RIMBP2: variants seen among roughly 807,000 people sequenced by gnomAD.
RIMBP2 encodes the protein RIMS-binding protein 2.
A neutral mutation model predicts 118.6 loss-of-function variants in RIMBP2; 48 were observed. The observed-to-expected ratio is 0.40, with a 90% CI of 0.32 to 0.51. RIMBP2 has a LOEUF of 0.51. RIMBP2 is among the 20% of genes least tolerant of loss of function. The pLI, the probability that RIMBP2 is intolerant of heterozygous loss-of-function variation, is 0.41. For missense variants in RIMBP2, 1,551 were observed against 1,768.3 expected, an observed-to-expected ratio of 0.88 and a Z score of 2.20; for synonymous variants, 762 against 742.9, an observed-to-expected ratio of 1.03 and a Z score of -0.42.
intron 2 of RIMBP2, among the ~76,000 whole-genome samples, chr12:130,531,568 A>G (rs2053378453): frequency 6.6e-6 from 1 of 152,216 alleles, no homozygotes; most frequent in Non-Finnish European, 1.5e-5. Flanking sequence ...ATGTTCAACT[A>G]TTATTAAACA....
rs576504820 is a variant in RIMBP2 at position 130,525,117 on chromosome 12, A to C, written c.-216-7200T>G. 2.6e-5 allele frequency among the ~76,000 whole-genome samples: 4 copies of C among 152,282 alleles called. No homozygotes were observed. The East Asian group carries it at 7.7e-4, about 29-fold the overall frequency. ...GGAGGAGCTCTCAGCAAGATTAAGG[A>C]GCAGGAGACAGAGCTGGGAGAAGCC... On this transcript the variant is annotated intron_variant, in intron 2 of 22. Transcript: ENST00000690449. This position sits in a 1 kb window ranked among gnomAD's most constrained non-coding sequence, Gnocchi z 4.4.
In RIMBP2 at chr12:130,523,249, A is replaced by AC. The variant is rs2052370620; in HGVS notation, c.-216-5333dup. On this transcript the variant is annotated intron_variant, in intron 2 of 22. Coordinates refer to ENST00000690449, the MANE Select transcript of RIMBP2 (RefSeq NM_001393629.1). This position sits in a 1 kb window ranked among gnomAD's most constrained non-coding sequence, Gnocchi z 4.4. ...CATCTCTCTCTGTCCCCTACCCACT[A>AC]CCTGGCCGTGTGAGGACACAGTGAG... Among the ~76,000 whole-genome samples the AC allele has an allele frequency of 6.6e-6, 1 of 151,926 alleles. No homozygotes were observed. Among genetic ancestry groups the AC allele is most frequent in the African/African-American group, 2.4e-5 (1 of 41,328 alleles).
intron 21 of RIMBP2, among the ~76,000 whole-genome samples, chr12:130,401,812 A>AAAAG (rs1466949101): frequency 6.6e-6 from 1 of 152,140 alleles, no homozygotes; most frequent in East Asian, 1.9e-4. Context: ...CCAGCCTTAG[A>AAAAG]AAAGATTCTT....
chr12:130,642,234 A>G (rs572610669), intron 1 of RIMBP2, among the ~76,000 whole-genome samples: 2 of 152,248 alleles, frequency 1.3e-5, no homozygotes, highest in East Asian at 3.9e-4. Context: ...CCCACACTCC[A>G]GGGAGAGGCC....
intron 1 of RIMBP2, among the ~76,000 whole-genome samples, chr12:130,639,148 G>T (rs969269007): frequency 3.4e-4 from 51 of 152,092 alleles, no homozygotes; most frequent in Admixed American, 7.9e-4. Flanking sequence ...AGCACTTTGG[G>T]AGGCCGAGGC....
At chr12:130,642,842 A>G (rs1450255724) in intron 1 of RIMBP2, among the ~76,000 whole-genome samples, 6 of 152,190 alleles carry the variant, frequency 3.9e-5, no homozygotes, top group East Asian at 1.9e-4. Context: ...CCTTGATCTG[A>G]ACCAGGCTGG....
intron 1 of RIMBP2, among the ~76,000 whole-genome samples, chr12:130,681,244 G>A (rs1278249266): frequency 1.3e-5 from 2 of 151,078 alleles, no homozygotes; most frequent in Non-Finnish European, 3.0e-5. Context: ...AGGAGTTCAA[G>A]AACAGCCCAG....
In RIMBP2 at chr12:130,511,236, G is replaced by A. The variant is rs1158958765; in HGVS notation, c.-126-4466C>T. On this transcript the variant is annotated intron_variant, in intron 3 of 22. Transcript: ENST00000690449. This position sits in a 1 kb window ranked among gnomAD's most constrained non-coding sequence, Gnocchi z 4.3. ...GGAAGGAAGCCAAAAAAAGGCAAGAGGAGAGACTGTCCCCCAGAGCCTCAG... is the reference window on the plus strand; with the variant it reads ...GGAAGGAAGCCAAAAAAAGGCAAGAAGAGAGACTGTCCCCCAGAGCCTCAG... 6.6e-6 allele frequency among the ~76,000 whole-genome samples: 1 copy of A among 152,114 alleles called. No individual in the cohort carries two copies. Among genetic ancestry groups the A allele is most frequent in the Non-Finnish European group, 1.5e-5 (1 of 68,026 alleles).
At chr12:130,631,345 C>G (rs1212373276) in intron 1 of RIMBP2, among the ~76,000 whole-genome samples, 1 of 152,130 alleles carries the variant, frequency 6.6e-6, no homozygotes, top group African/African-American at 2.4e-5. Context: ...AATAAAGTAG[C>G]AATTTAACTA....
At chr12:130,554,370 T>C (rs1297752196) in intron 2 of RIMBP2, among the ~76,000 whole-genome samples, 3 of 152,192 alleles carry the variant, frequency 2.0e-5, no homozygotes, top group Non-Finnish European at 4.4e-5. Context: ...TTCTGCCCCC[T>C]CATTCAAGCA....
intron 13 of RIMBP2, among the ~76,000 whole-genome samples, chr12:130,436,548 C>G (rs550211434): frequency 5.3e-4 from 80 of 152,204 alleles, no homozygotes; most frequent in African/African-American, 1.7e-3. Context: ...CTCTCAGACC[C>G]CTTGTCGCAC....
At chr12:130,494,456 T>C (rs952534253) in intron 4 of RIMBP2, among the ~76,000 whole-genome samples, 1 of 151,896 alleles carries the variant, frequency 6.6e-6, no homozygotes, top group Admixed American at 6.6e-5. Context: ...CTGGCCAACA[T>C]GCTGAAACCC....
chr12:130,577,984 T>C (rs1276373304), intron 2 of RIMBP2, among the ~76,000 whole-genome samples: 1 of 152,190 alleles, frequency 6.6e-6, no homozygotes, highest in Non-Finnish European at 1.5e-5. Flanking sequence ...CACCCTGCCA[T>C]ACATCTTATA....
intron 2 of RIMBP2, among the ~76,000 whole-genome samples, chr12:130,533,187 G>A (rs957070465): frequency 2.0e-5 from 3 of 152,128 alleles, no homozygotes; most frequent in Non-Finnish European, 4.4e-5. Flanking sequence ...AGATGCGTGT[G>A]TTTAGCCTCT....
intron 21 of RIMBP2, among the ~76,000 whole-genome samples, chr12:130,405,939 A>G (rs2075130321): frequency 6.6e-6 from 1 of 152,232 alleles, no homozygotes; most frequent in South Asian, 2.1e-4. Context: ...GTGCATATAC[A>G]TTGAAAACAC....
intron 2 of RIMBP2, among the ~76,000 whole-genome samples, chr12:130,567,579 C>T (rs2057316826): frequency 6.6e-6 from 1 of 152,146 alleles, no homozygotes; most frequent in African/African-American, 2.4e-5. Context: ...TGTCCAGTTG[C>T]CCCCCACATA....
At chr12:130,402,058 T>C (rs1000390113) in intron 21 of RIMBP2, among the ~76,000 whole-genome samples, 1 of 152,212 alleles carries the variant, frequency 6.6e-6, no homozygotes, top group Admixed American at 6.5e-5. Flanking sequence ...TCTTTTGGGC[T>C]GAACACACAC....
At chr12:130,535,355 A>T (rs1267307985) in intron 2 of RIMBP2, among the ~76,000 whole-genome samples, 2 of 151,354 alleles carry the variant, frequency 1.3e-5, no homozygotes, top group African/African-American at 4.9e-5. Context: ...AAAAAAAAAA[A>T]TTGTTTTTAA....
chr12:130,546,280 G>GT (rs958608047), intron 2 of RIMBP2, among the ~76,000 whole-genome samples: 1 of 151,018 alleles, frequency 6.6e-6, no homozygotes, highest in African/African-American at 2.4e-5. Context: ...AGTTTTTTGT[G>GT]TTTTTTGTTA....
Sources: allele counts gnomAD v4.1 joint callset (sites outside exome capture counted in the v4.1 genomes callset), GRCh38; gene constraint gnomAD v4.1.1; non-coding constraint Gnocchi (gnomAD v3.1); transcripts MANE v1.5; gene names NCBI Gene and HGNC (gene_info 2026-07-23, HGNC 2026-07-21).